The following L3MBTL2 variants were observed in gnomAD, a reference collection of about 807,000 sequenced individuals.
L3MBTL2 encodes L3MBTL histone methyl-lysine binding protein 2.
A neutral mutation model predicts 86.4 loss-of-function variants in L3MBTL2; 49 were observed. The observed-to-expected ratio is 0.57, with a 90% CI of 0.45 to 0.72. L3MBTL2 has a LOEUF of 0.72. Ranked by LOEUF, L3MBTL2 falls within the 30% of genes least tolerant of loss-of-function variation. The pLI is 0.00. For synonymous variants in L3MBTL2, 336 were observed against 350.6 expected (o/e 0.96, Z 0.47); for missense variants, 755 against 923.7 (o/e 0.82, Z 2.37).
At chr22:41,212,561 C>T (rs1403389472) in intron 2 of L3MBTL2, among the ~76,000 whole-genome samples, 2 of 151,920 alleles carry the variant, frequency 1.3e-5, no homozygotes, top group Non-Finnish European at 2.9e-5. Flanking sequence ...CCGCGCCCGG[C>T]CATCTCAGGC....
At chr22:41,209,060 A>G (rs1989052761) in intron 1 of L3MBTL2, 1 of 150,726 alleles carries the variant, frequency 6.6e-6, no homozygotes, top group African/African-American at 2.5e-5. Context: ...TTTCTAATAT[A>G]TCTTCTACCC....
chr22:41,221,001 G>A, intron 7 of L3MBTL2, 133 bp downstream of exon 7: 1 of 1,132,962 alleles, frequency 8.8e-7, no homozygotes, highest in Non-Finnish European at 1.2e-6. Context: ...CTGGCTTCCT[G>A]CCCTCCCCAT....
At position 41,227,368 on chromosome 22, in the gene L3MBTL2, T is replaced by C. The variant is rs1176775424; in HGVS notation, c.1822+45T>C. ...TAAGAGGCTCTGACTTTCTTTCCTC[T>C]TCTTTTTTCCTTCTTCCCCCGCCCC... On this transcript the variant is annotated intron_variant, in intron 14 of 16. Coordinates refer to ENST00000216237, the MANE Select transcript of L3MBTL2 (RefSeq NM_031488.5). This position sits in a 1 kb window ranked among gnomAD's most constrained non-coding sequence, Gnocchi z 6.0. 6.6e-7 allele frequency: 1 copy of C among 1,518,726 alleles called. No individual in the cohort carries two copies. The highest frequency in any genetic ancestry group is 8.9e-7 in the Non-Finnish European group (1 of 1,117,382). The allele number at this position is 1,518,726 out of a possible 1,614,324, so 94.1% of individuals were successfully genotyped here.
At chr22:41,230,076 T>TCCTC in intron 16 of L3MBTL2, 63 bp from the exon 17 acceptor site, 10 of 912,378 alleles carry the variant, frequency 1.1e-5, no homozygotes, top group South Asian at 3.2e-5. Context: ...TCCCAGCTCC[T>TCCTC]CCGCCCCCAC....
intron 5 of L3MBTL2, 38 bp from the exon 6 acceptor site, chr22:41,219,380 GT>G: frequency 6.7e-7 from 1 of 1,487,366 alleles, no homozygotes; most frequent in African/African-American, 1.4e-5. Context: ...TGCTAGCACA[GT>G]TAGCTCACTC....
intron 6 of L3MBTL2, among the ~76,000 whole-genome samples, chr22:41,220,241 G>A (rs1360586783): frequency 1.3e-5 from 2 of 152,206 alleles, no homozygotes; most frequent in African/African-American, 4.8e-5. Context: ...AGGTTATAGA[G>A]AATTAACTCT....
chr22:41,230,024 A>G (rs978672832), intron 16 of L3MBTL2, 115 bp from the exon 17 acceptor site: 1 of 759,818 alleles, frequency 1.3e-6, no homozygotes, highest in African/African-American at 1.7e-5. Flanking sequence ...TGGAGGGTGA[A>G]GGTGCATCCT....
intron 2 of L3MBTL2, chr22:41,210,149 T>TTC (rs2030617724): frequency 4.4e-6 from 2 of 452,798 alleles, no homozygotes; most frequent in Admixed American, 4.0e-5. Context: ...ATTTCTTTTT[T>TTC]TTTTTTTTTT....
chr22:41,213,779 TG>T, intron 2 of L3MBTL2, 113 bp from the exon 3 acceptor site: 1 of 1,135,564 alleles, frequency 8.8e-7, no homozygotes, highest in Non-Finnish European at 1.3e-6. Flanking sequence ...TTAGCCTTTG[TG>T]GGGGCAGGGG....
At position 41,225,238 on chromosome 22, in the gene L3MBTL2, T is replaced by A. The variant is rs969832424; in HGVS notation, c.1356+167T>A. 6.6e-6 allele frequency among the ~76,000 whole-genome samples: 1 copy of A among 152,214 alleles called. No homozygotes were observed. The highest frequency in any genetic ancestry group is 1.5e-5 in the Non-Finnish European group (1 of 68,026). ...TTGTGAGTGGGGCCTGGCCTGCCCC[T>A]TGCTCAGAATCTGCTTTCGTGTCAG... On this transcript the variant is annotated intron_variant, in intron 11 of 16. Transcript: ENST00000216237. This position sits in a 1 kb window ranked among gnomAD's most constrained non-coding sequence, Gnocchi z 4.1.
chr22:41,211,723 AT>A (rs1368154352), intron 2 of L3MBTL2, among the ~76,000 whole-genome samples: 3 of 114,806 alleles, frequency 2.6e-5, no homozygotes, highest in African/African-American at 3.9e-5. Flanking sequence ...CACCCGGCTA[AT>A]TTTTTTTGTA....
Position 41,227,910 on chromosome 22 carries a change from G to T in L3MBTL2, c.1888+41G>T. 6.2e-7 allele frequency: 1 copy of T among 1,604,774 alleles called. No homozygotes were observed. The highest frequency in any genetic ancestry group is 8.5e-7 in the Non-Finnish European group (1 of 1,175,690). On this transcript the variant is annotated intron_variant, in intron 15 of 16. Transcript: ENST00000216237. The surrounding 1 kb of genome is among the most constrained non-coding windows in gnomAD (Gnocchi z 6.0). ...GTGCAGCCAGGCTGGTGTGGGCCTGGGAGCAGTGGGCCTGCGTCCCTGGGA... is the reference window on the plus strand; with the variant it reads ...GTGCAGCCAGGCTGGTGTGGGCCTGTGAGCAGTGGGCCTGCGTCCCTGGGA...
rs2032249808 is a variant in L3MBTL2 at position 41,227,259 on chromosome 22, A to G, written c.1758A>G (p.Pro586=). The G allele has an allele frequency of 4.3e-6, 7 of 1,612,806 alleles. No individual in the cohort carries two copies. The highest frequency in any genetic ancestry group is 2.2e-5 in the South Asian group (2 of 90,958). Residue 586 remains proline, a synonymous_variant, in exon 14 of 17, where the codon CCA becomes CCG. Transcript: ENST00000216237. The surrounding 1 kb of genome is among the most constrained non-coding windows in gnomAD (Gnocchi z 6.0). The part of the protein sequence containing the change: ...EYDQWVDCES[P]DIYPVGWCEL... ...ACCAGTGGGTGGACTGCGAGTCCCC[A>G]GACATCTACCCCGTCGGCTGGTGTG...
At chr22:41,228,396 C>T (rs1006172258) in intron 15 of L3MBTL2, 2 of 985,480 alleles carry the variant, frequency 2.0e-6, no homozygotes, top group Non-Finnish European at 2.4e-6. Flanking sequence ...TCTACAGATT[C>T]TGAGCCCAGC....
chr22:41,217,507 C>A (rs2031481719), intron 5 of L3MBTL2: 1 of 293,256 alleles, frequency 3.4e-6, no homozygotes, highest in East Asian at 8.4e-5. Context: ...CTTTCTCCCC[C>A]ATTTGCAGCA....
In L3MBTL2 at chr22:41,219,443, G is replaced by A; in HGVS notation, c.625G>A (p.Asp209Asn). ...KHVPLYDQWEDVMKGMKVEVL... is the reference protein window; with the variant it reads ...KHVPLYDQWENVMKGMKVEVL... ...GGTCCCACTCTATGACCAGTGGGAG[G>A]ATGTGATGAAAGGGATGAAGGTGGA... The change falls in exon 6 of 17, where the codon GAT becomes AAT. Residue 209 changes from aspartate (D) to asparagine (N), a missense_variant. Physicochemically the swap from Asp to Asn is conservative, Grantham distance 23. Transcript: ENST00000216237. 2 of 1,613,690 alleles carry A rather than the reference G, an allele frequency of 1.2e-6. No homozygotes were observed. Among genetic ancestry groups the A allele is most frequent in the Non-Finnish European group, 1.7e-6 (2 of 1,179,624 alleles).
At position 41,227,761 on chromosome 22, in the gene L3MBTL2, G is replaced by A; in HGVS notation, c.1823-43G>A. ...GCGCCTGTGCCCTGTGTCCTCCCAG[G>A]GACCCTCTTCTCATCTCTTTCACCC... On this transcript the variant is annotated intron_variant, in intron 14 of 16. Coordinates refer to ENST00000216237, the MANE Select transcript of L3MBTL2 (RefSeq NM_031488.5). This position sits in a 1 kb window ranked among gnomAD's most constrained non-coding sequence, Gnocchi z 6.0. 6.2e-7 allele frequency: 1 copy of A among 1,613,054 alleles called. No homozygotes were observed. The highest frequency in any genetic ancestry group is 8.5e-7 in the Non-Finnish European group (1 of 1,179,478).
At chr22:41,216,563 C>T (rs940589703) in intron 4 of L3MBTL2, among the ~76,000 whole-genome samples, 6 of 152,102 alleles carry the variant, frequency 3.9e-5, no homozygotes, top group African/African-American at 4.8e-5. Flanking sequence ...CCTGGGGCAA[C>T]GAAGGCCCAG....
intron 8 of L3MBTL2, among the ~76,000 whole-genome samples, chr22:41,222,629 C>T (rs1364163629): frequency 6.7e-6 from 1 of 148,928 alleles, no homozygotes; most frequent in African/African-American, 2.5e-5. Context: ...AAAAAAAAAA[C>T]ATTAGCTAGG....
Sources: allele counts gnomAD v4.1 joint callset (sites outside exome capture counted in the v4.1 genomes callset), GRCh38; gene constraint gnomAD v4.1.1; non-coding constraint Gnocchi (gnomAD v3.1); transcripts MANE v1.5; gene names NCBI Gene and HGNC (gene_info 2026-07-23, HGNC 2026-07-21).